IQCK: variants seen among roughly 807,000 people sequenced by gnomAD.
The protein encoded by IQCK is IQ motif containing K.
A neutral mutation model predicts 28.1 loss-of-function variants in IQCK; 29 were observed. The ratio of observed to expected loss-of-function variants is 1.03; its 90% CI spans 0.77 to 1.41. The LOEUF (loss-of-function observed/expected upper bound fraction) is 1.41. Among genes scored for constraint, IQCK ranks in the 40% most tolerant of loss-of-function variants. IQCK has a pLI of 0.00. For missense variants in IQCK, 359 were observed against 314.7 expected (o/e 1.14, Z -1.07); for synonymous variants, 113 against 115.1 (o/e 0.98, Z 0.12).
At chr16:19,834,653 T>C (rs1233439506) in intron 9 of IQCK, among the ~76,000 whole-genome samples, 1 of 152,050 alleles carries the variant, frequency 6.6e-6, no homozygotes, top group East Asian at 1.9e-4. Context: ...TCTACATGAG[T>C]GTTTTGGGGA....
intron 4 of IQCK, among the ~76,000 whole-genome samples, chr16:19,738,016 T>C (rs1442960445): frequency 6.6e-6 from 1 of 152,234 alleles, no homozygotes; most frequent in Non-Finnish European, 1.5e-5. Context: ...CCTCATTTTA[T>C]GGCAAATTAA....
At chr16:19,826,962 G>A in intron 7 of IQCK, 64 bp from the exon 8 acceptor site, 1 of 1,006,578 alleles carries the variant, frequency 9.9e-7, no homozygotes, top group Non-Finnish European at 1.6e-6. Context: ...TTCCATGCAG[G>A]GTTAATAAGC....
At chr16:19,750,267 C>T (rs570298316) in intron 4 of IQCK, among the ~76,000 whole-genome samples, 1 of 151,312 alleles carries the variant, frequency 6.6e-6, no homozygotes, top group Non-Finnish European at 1.5e-5. Context: ...GCTAGGACTA[C>T]AGGCGTGTGC....
At chr16:19,821,515 C>T (rs1044121393) in intron 7 of IQCK, among the ~76,000 whole-genome samples, 2 of 152,202 alleles carry the variant, frequency 1.3e-5, no homozygotes, top group Non-Finnish European at 2.9e-5. Flanking sequence ...GCCTGGCCAA[C>T]ATGGTGAAAC....
rs113151004 is a variant in IQCK at position 19,843,580 on chromosome 16, A to G, written c.803-12907A>G. On this transcript the variant is annotated intron_variant, in intron 9 of 9. Transcript: ENST00000320394. ...TTTTACAGCTTGTATTAGTCAGCTC[A>G]GGCTGCCATAATAAAATACCACAGA... Among the ~76,000 whole-genome samples the G allele has an allele frequency of 2.8e-3, 422 of 152,372 alleles. 2 individuals are homozygous for G. The highest frequency in any genetic ancestry group is 4.8e-3 in the Non-Finnish European group (324 of 68,042).
chr16:19,831,272 C>G (rs1192165600), downstream of IQCK, among the ~76,000 whole-genome samples: 3 of 152,206 alleles, frequency 2.0e-5, no homozygotes, highest in African/African-American at 4.8e-5. Context: ...ATGACCTGTT[C>G]AGTTTCCTCT....
At chr16:19,827,644 T>G (rs73536589), downstream of IQCK, among the ~76,000 whole-genome samples, 1,916 of 152,288 alleles carry the variant, frequency 0.013, 28 homozygotes, top group African/African-American at 0.044. Context: ...TTGAATTGAT[T>G]GACCAAATAA....
At chr16:19,731,784 C>G (rs1208815828) in intron 2 of IQCK, among the ~76,000 whole-genome samples, 2 of 152,104 alleles carry the variant, frequency 1.3e-5, no homozygotes, top group African/African-American at 4.8e-5. Flanking sequence ...CTGAGAAGTC[C>G]TACATTAGGC....
chr16:19,812,976 A>G (rs959883903), intron 7 of IQCK, among the ~76,000 whole-genome samples: 2 of 152,374 alleles, frequency 1.3e-5, no homozygotes, highest in African/African-American at 4.8e-5. Context: ...GGTAAAACAC[A>G]GATTCCTGGG....
intron 6 of IQCK, among the ~76,000 whole-genome samples, chr16:19,777,927 C>T (rs909877955): frequency 6.6e-6 from 1 of 152,144 alleles, no homozygotes; most frequent in African/African-American, 2.4e-5. Context: ...GTGGTGCACA[C>T]CTGTAGTTCC....
At chr16:19,818,239 T>C (rs1339739809) in intron 7 of IQCK, among the ~76,000 whole-genome samples, 1 of 152,186 alleles carries the variant, frequency 6.6e-6, no homozygotes, top group Non-Finnish European at 1.5e-5. Flanking sequence ...TAAGAAATAC[T>C]GTAAAAACAC....
chr16:19,777,648 C>A (rs1455428218), intron 6 of IQCK, among the ~76,000 whole-genome samples: 1 of 152,134 alleles, frequency 6.6e-6, no homozygotes, highest in Non-Finnish European at 1.5e-5. Flanking sequence ...TGTATAAGTT[C>A]TCTAGTGCCT....
chr16:19,806,692 C>T (rs1416016350), intron 7 of IQCK, among the ~76,000 whole-genome samples: 1 of 149,442 alleles, frequency 6.7e-6, no homozygotes, highest in African/African-American at 2.5e-5. Context: ...CTGTCTCAAA[C>T]CACTCCCCAC....
chr16:19,737,835 C>T (rs2054778984), intron 4 of IQCK, among the ~76,000 whole-genome samples: 3 of 152,082 alleles, frequency 2.0e-5, no homozygotes, highest in Admixed American at 2.0e-4. Flanking sequence ...GCATCTGCTT[C>T]TGCTTTTTTT....
chr16:19,780,754 T>C (rs1490968533), intron 6 of IQCK, among the ~76,000 whole-genome samples: 1 of 152,206 alleles, frequency 6.6e-6, no homozygotes, highest in East Asian at 1.9e-4. Context: ...GTTGCAGAGA[T>C]CGAGAAATAC....
chr16:19,774,643 C>A (rs558376433), intron 6 of IQCK, among the ~76,000 whole-genome samples: 4 of 151,948 alleles, frequency 2.6e-5, no homozygotes, highest in African/African-American at 7.3e-5. Context: ...GGATTACAGG[C>A]GTGAGCCACT....
chr16:19,850,285 A>G (rs76075910), intron 9 of IQCK, among the ~76,000 whole-genome samples: 14,469 of 152,190 alleles, frequency 0.095, 946 homozygotes, highest in East Asian at 0.26. Flanking sequence ...CAGCAGCCAG[A>G]CAGCTCACAG....
chr16:19,720,541 G>A (rs962594513), intron 1 of IQCK, among the ~76,000 whole-genome samples: 2 of 152,226 alleles, frequency 1.3e-5, no homozygotes, highest in African/African-American at 4.8e-5. Flanking sequence ...TTAGCACAGT[G>A]CCTGGCATTT....
At chr16:19,852,218 C>A (rs936865361) in intron 9 of IQCK, among the ~76,000 whole-genome samples, 1 of 152,136 alleles carries the variant, frequency 6.6e-6, no homozygotes, top group Non-Finnish European at 1.5e-5. Flanking sequence ...CACGAACATA[C>A]CTATTTCTTT....
Sources: gnomAD v4.1 joint callset for allele counts (sites outside exome capture counted in the v4.1 genomes callset) on GRCh38, gnomAD v4.1.1 for gene constraint, MANE v1.5 for transcripts, NCBI Gene and HGNC (gene_info 2026-07-23, HGNC 2026-07-21) for gene names.